FANK1: variants seen among roughly 807,000 people sequenced by gnomAD.
The protein encoded by FANK1 is fibronectin type 3 and ankyrin repeat domains protein 1.
A neutral mutation model predicts 45.3 loss-of-function variants in FANK1; 44 were observed. The observed-to-expected ratio is 0.97, with a 90% CI of 0.76 to 1.25. The LOEUF is 1.25. FANK1 is among the 50% of genes most tolerant of loss of function. The pLI is 0.00. For missense variants in FANK1, 391 were observed against 424.4 expected (o/e 0.92, Z 0.69); for synonymous variants, 149 against 152.5 (o/e 0.98, Z 0.17).
chr10:125,927,843 G>T (rs1315897246), intron 1 of FANK1, among the ~76,000 whole-genome samples: 2 of 152,138 alleles, frequency 1.3e-5, no homozygotes, highest in Admixed American at 6.5e-5. Context: ...ACTGTGCCCG[G>T]CCCTAAACTT....
At chr10:125,944,471 C>G (rs939649313) in intron 1 of FANK1, among the ~76,000 whole-genome samples, 4 of 152,166 alleles carry the variant, frequency 2.6e-5, no homozygotes, top group African/African-American at 9.7e-5. Context: ...ACCTTTTTCA[C>G]TTAACAATTC....
At chr10:125,986,261 G>A (rs182182693) in intron 2 of FANK1, among the ~76,000 whole-genome samples, 240 of 152,280 alleles carry the variant, frequency 1.6e-3, no homozygotes, top group Non-Finnish European at 2.5e-3. Flanking sequence ...GTGCCTCAAT[G>A]TGCTTAGTCT....
chr10:125,999,678 C>T (rs933870572), intron 6 of FANK1, among the ~76,000 whole-genome samples: 4 of 152,126 alleles, frequency 2.6e-5, no homozygotes, highest in African/African-American at 9.7e-5. Context: ...GAGGATGTGG[C>T]GTGACCTTGG....
At chr10:126,004,824 G>A in intron 6 of FANK1, 60 bp from the exon 7 acceptor site, 1 of 1,574,086 alleles carries the variant, frequency 6.4e-7, no homozygotes, top group South Asian at 1.1e-5. Context: ...AGGGTAAAAG[G>A]TGGAGCTGAG....
At chr10:125,925,548 C>T (rs529676708) in intron 1 of FANK1, among the ~76,000 whole-genome samples, 1 of 152,072 alleles carries the variant, frequency 6.6e-6, no homozygotes, top group Non-Finnish European at 1.5e-5. Flanking sequence ...TGATGTGTGC[C>T]ACCACCGCCA....
intron 1 of FANK1, among the ~76,000 whole-genome samples, chr10:125,927,670 C>T (rs1373733555): frequency 6.6e-6 from 1 of 152,092 alleles, no homozygotes; most frequent in African/African-American, 2.4e-5. Context: ...CCTGCCTCGG[C>T]CTCCCAAGAA....
chr10:125,955,721 C>A lies in FANK1; in HGVS notation c.14-24440C>A, dbSNP rs530780995. On this transcript the variant is annotated intron_variant, in intron 1 of 10. Coordinates refer to ENST00000368693, the MANE Select transcript of FANK1 (RefSeq NM_145235.5). ...TCTGAGGCTCAAGCAATTCTCATGC[C>A]TCACCCTCTCAAAGTGCTGGGATTA... Among the ~76,000 whole-genome samples the A allele has an allele frequency of 2.0e-4, 30 of 152,270 alleles. No homozygotes were observed. The South Asian group carries it at 5.6e-3, about 28-fold the overall frequency.
intron 1 of FANK1, among the ~76,000 whole-genome samples, chr10:125,959,921 A>G (rs1036860977): frequency 6.6e-6 from 1 of 152,188 alleles, no homozygotes; most frequent in South Asian, 2.1e-4. Flanking sequence ...TCTGGTGGTA[A>G]GGTTTTTGTC....
chr10:125,945,815 AAGAC>A (rs964849791), intron 1 of FANK1, among the ~76,000 whole-genome samples: 3 of 152,190 alleles, frequency 2.0e-5, no homozygotes, highest in African/African-American at 7.2e-5. Context: ...GACAAACAAA[AAGAC>A]AGCAGTAACC....
intron 1 of FANK1, among the ~76,000 whole-genome samples, chr10:125,910,745 T>C (rs1289441030): frequency 2.0e-5 from 3 of 152,216 alleles, no homozygotes; most frequent in African/African-American, 7.2e-5. Flanking sequence ...GAATAAAAGA[T>C]GTCCACAGGC....
At chr10:125,916,034 G>T (rs969980305) in intron 1 of FANK1, among the ~76,000 whole-genome samples, 5 of 151,890 alleles carry the variant, frequency 3.3e-5, no homozygotes, top group Non-Finnish European at 5.9e-5. Flanking sequence ...AAAGTAATGA[G>T]AATTTTTTTT....
intron 1 of FANK1, among the ~76,000 whole-genome samples, chr10:125,920,078 C>T (rs982064897): frequency 6.6e-6 from 1 of 152,162 alleles, no homozygotes; most frequent in Non-Finnish European, 1.5e-5. Context: ...GAGATGACTC[C>T]TGTCTCTCGT....
intron 7 of FANK1, among the ~76,000 whole-genome samples, chr10:126,006,740 A>G (rs1234575206): frequency 6.6e-6 from 1 of 152,170 alleles, no homozygotes; most frequent in East Asian, 1.9e-4. Flanking sequence ...GGCACCTGTA[A>G]TCCCAGCTAT....
intron 1 of FANK1, among the ~76,000 whole-genome samples, chr10:125,927,305 A>G (rs570573054): frequency 6.8e-4 from 104 of 152,294 alleles, no homozygotes; most frequent in African/African-American, 2.5e-3. Flanking sequence ...GGTATCTCCT[A>G]TTCTGACTTT....
At chr10:125,987,737 G>A (rs542898526) in intron 2 of FANK1, among the ~76,000 whole-genome samples, 2 of 152,102 alleles carry the variant, frequency 1.3e-5, no homozygotes, top group Non-Finnish European at 2.9e-5. Context: ...ACCTGATATT[G>A]TAGAATGCAT....
intron 6 of FANK1, among the ~76,000 whole-genome samples, chr10:126,003,406 AAAATT>A: frequency 6.6e-6 from 1 of 152,322 alleles, no homozygotes; most frequent in South Asian, 2.1e-4. Context: ...GAATTAAAAA[AAAATT>A]AAAGGCTTAA....
At chr10:125,923,400 G>A (rs938665113) in intron 1 of FANK1, among the ~76,000 whole-genome samples, 2 of 151,924 alleles carry the variant, frequency 1.3e-5, no homozygotes, top group East Asian at 3.9e-4. Context: ...GGTCGAGACT[G>A]CAGTGAGCTG....
At chr10:125,914,444 A>G (rs893061273) in intron 1 of FANK1, among the ~76,000 whole-genome samples, 10 of 152,098 alleles carry the variant, frequency 6.6e-5, no homozygotes, top group African/African-American at 2.4e-4. Context: ...TATTGGTTGA[A>G]TAGGTAAATG....
chr10:125,912,445 TGTGTGTGTGTGTGTGTGTGTGTGTG>T (rs1946096979), intron 1 of FANK1, among the ~76,000 whole-genome samples: 1 of 1,214 alleles, frequency 8.2e-4, no homozygotes, highest in African/African-American at 1.6e-3. Flanking sequence ...ACCACCAAAG[TGTGTGTGTGTGTGTGTGTGTGTGTG>T]TGTGTGTGTG....
Sources: gnomAD v4.1 joint callset for allele counts (sites outside exome capture counted in the v4.1 genomes callset) on GRCh38, gnomAD v4.1.1 for gene constraint, MANE v1.5 for transcripts, NCBI Gene and HGNC (gene_info 2026-07-23, HGNC 2026-07-21) for gene names.